PLA2G4C: variants seen among roughly 807,000 people sequenced by gnomAD.
The protein encoded by PLA2G4C is cytosolic phospholipase A2 gamma.
A neutral mutation model predicts 73.8 loss-of-function variants in PLA2G4C; 64 were observed. The ratio of observed to expected loss-of-function variants is 0.87; its 90% confidence interval spans 0.71 to 1.07. PLA2G4C has a LOEUF of 1.07. Among genes scored for constraint, PLA2G4C ranks in the 50% least tolerant of loss-of-function variants. The pLI, the probability that PLA2G4C is intolerant of heterozygous loss-of-function variation, is 0.00. For missense variants in PLA2G4C, 622 were observed against 665.4 expected (o/e 0.93, Z 0.72); for synonymous variants, 254 against 252.1 (o/e 1.01, Z -0.07).
chr19:48,048,358 ACTTCGGGCACTATC>A lies in PLA2G4C; in HGVS notation c.1597_1610del (p.Asp533LeufsTer23). ...TGAGGCTCATCTATGCCAAGCAGCAACTTCGGGCACTATCCTTCGGGTAGTAGAGCCTGGGGAGA... is the reference window on the plus strand; with the variant it reads ...TGAGGCTCATCTATGCCAAGCAGCAACTTCGGGTAGTAGAGCCTGGGGAGA... On this transcript the variant is annotated frameshift_variant, in exon 17 of 17. Transcript: ENST00000599921. LOFTEE classifies it high-confidence loss of function. The A allele has an allele frequency of 6.3e-7, 1 of 1,598,410 alleles. No individual in the cohort carries two copies. The highest frequency in any genetic ancestry group is 1.1e-5 in the South Asian group (1 of 88,154).
intron 7 of PLA2G4C, among the ~76,000 whole-genome samples, chr19:48,093,547 A>G (rs916633583): frequency 1.3e-5 from 2 of 152,242 alleles, no homozygotes; most frequent in South Asian, 4.1e-4. Context: ...TGGCTCTCCT[A>G]TCGCACTTGG....
rs59148675 is a variant in PLA2G4C at position 48,064,430 on chromosome 19, CA to C, written c.1103-2279del. On this transcript the variant is annotated intron_variant, in intron 13 of 16. Transcript: ENST00000599921. Reference sequence around the variant, plus strand: ...GGCAACAAAGAGCAAAACTCTGTCTCAAAAAAAAAAAAAACCAAAAACCATA... The same window carrying C: ...GGCAACAAAGAGCAAAACTCTGTCTCAAAAAAAAAAAAACCAAAAACCATA... 1.5e-3 allele frequency among the ~76,000 whole-genome samples: 205 copies of C among 141,172 alleles called. 2 individuals are homozygous for C. Among genetic ancestry groups the C allele is most frequent in the African/African-American group, 4.2e-3 (161 of 38,194 alleles). 92.6% of individuals were successfully genotyped at this position (141,172 alleles called of 152,430 possible).
At chr19:48,101,449 T>C (rs2031916772) in intron 4 of PLA2G4C, among the ~76,000 whole-genome samples, 1 of 151,930 alleles carries the variant, frequency 6.6e-6, no homozygotes, top group Non-Finnish European at 1.5e-5. Flanking sequence ...TAAAAATTTT[T>C]GATGTTCTTA....
rs554623412 is a variant in PLA2G4C at position 48,110,527 on chromosome 19, C to T, written c.-73G>A. ...GGGCGTGTGCGCATGCGCGGTGGAG[C>T]TTGTGCTCCGGAATCCGGTGCGGAG... On this transcript the variant is annotated 5_prime_UTR_variant, in exon 1 of 17. Coordinates refer to ENST00000599921, the MANE Select transcript of PLA2G4C (RefSeq NM_003706.3). The T allele has an allele frequency of 1.6e-4, 246 of 1,534,066 alleles. 1 individual carries two copies. Among genetic ancestry groups the T allele is most frequent in the Middle Eastern group, 5.1e-4 (3 of 5,844 alleles).
rs1359614697 is a variant in PLA2G4C at position 48,085,131 on chromosome 19, TA to T, written c.791-20del. 6.3e-7 allele frequency: 1 copy of T among 1,591,128 alleles called. No homozygotes were observed. Among genetic ancestry groups the T allele is most frequent in the South Asian group, 1.1e-5 (1 of 90,600 alleles). ...CATAAACCTGCCAAGAAAATAGCAATAAAATTCAAACATTCTCCATCACATG... is the reference window on the plus strand; with the variant it reads ...CATAAACCTGCCAAGAAAATAGCAATAAATTCAAACATTCTCCATCACATG... On this transcript the variant is annotated intron_variant, in intron 9 of 16. Transcript: ENST00000599921.
intron 9 of PLA2G4C, among the ~76,000 whole-genome samples, chr19:48,085,784 C>G (rs114981659): frequency 0.013 from 2,002 of 152,254 alleles, 44 homozygotes; most frequent in African/African-American, 0.045. Flanking sequence ...AGACTGTTTG[C>G]AGGACACACG....
rs760328801 is a variant in PLA2G4C, at chr19:48,074,867, G to A, written c.906C>T (p.Gly302=). 142 of 1,599,170 alleles carry A rather than the reference G, an allele frequency of 8.9e-5. No homozygotes were observed. The highest frequency in any genetic ancestry group is 1.1e-4 in the Non-Finnish European group (134 of 1,172,092). Residue 302 remains glycine (G), a synonymous_variant, in exon 12 of 17, where the codon GGC becomes GGT. Coordinates refer to ENST00000599921, the MANE Select transcript of PLA2G4C (RefSeq NM_003706.3). The part of the protein sequence containing the change: ...QGEHPPPEDE[G]GEPEHTWLTE... ...TCAGCCAGGTGTGTTCAGGCTCACC[G>A]CCTTCATCTACGTCAAGAAATCCAG...
rs111652479 is a variant in PLA2G4C at position 48,058,299 on chromosome 19, C to CA, written c.1258-3251dup. On this transcript the variant is annotated intron_variant, in intron 14 of 16. Transcript: ENST00000599921. Reference sequence around the variant, plus strand: ...GGGCAACAAGAGCGAAACTCCGTCTCAAAAAAAAAAAAAATTTGTGTGGAG... The same window carrying CA: ...GGGCAACAAGAGCGAAACTCCGTCTCAAAAAAAAAAAAAAATTTGTGTGGAG... Among the ~76,000 whole-genome samples the CA allele has an allele frequency of 9.5e-3, 1,311 of 138,330 alleles. 15 individuals carry two copies. Among genetic ancestry groups the CA allele is most frequent in the African/African-American group, 0.029 (1,113 of 37,908 alleles). 90.7% of individuals were successfully genotyped at this position (138,330 alleles called of 152,430 possible).
At chr19:48,059,010 C>T (rs140930024) in intron 14 of PLA2G4C, among the ~76,000 whole-genome samples, 4 of 152,128 alleles carry the variant, frequency 2.6e-5, no homozygotes, top group East Asian at 3.9e-4. Flanking sequence ...TGGTGGCTCA[C>T]GCCTGTAATC....
chr19:48,084,478 C>G (rs2030853996), intron 10 of PLA2G4C, among the ~76,000 whole-genome samples: 1 of 152,168 alleles, frequency 6.6e-6, no homozygotes, highest in Admixed American at 6.5e-5. Context: ...CTTGTCTGTT[C>G]CATGAGAGGA....
chr19:48,101,674 C>CTTTTTTTTTTT (rs71181648), intron 4 of PLA2G4C, among the ~76,000 whole-genome samples: 3 of 131,834 alleles, frequency 2.3e-5, no homozygotes, highest in Non-Finnish European at 4.8e-5. Flanking sequence ...CCTTTAATAT[C>CTTTTTTTTTTT]TTTTTTTTTT....
intron 2 of PLA2G4C, among the ~76,000 whole-genome samples, chr19:48,105,792 CTCCCTCCCTCCCTCCCTCCCCT>C (rs1479365677): frequency 5.4e-5 from 6 of 111,462 alleles, no homozygotes; most frequent in African/African-American, 1.1e-4. Flanking sequence ...ACATACCTCC[CTCCCTCCCTCCCTCCCTCCCCT>C]TCCCTCCCCT....
At position 48,077,511 on chromosome 19, in the gene PLA2G4C, C is replaced by T. The variant is rs190017377; in HGVS notation, c.898+260G>A. Among the ~76,000 whole-genome samples the T allele has an allele frequency of 1.6e-3, 248 of 152,160 alleles. 1 individual carries two copies. The highest frequency in any genetic ancestry group is 5.6e-3 in the African/African-American group (234 of 41,488). ...GTAGAATCAATATTGTGAAAATGAC[C>T]ATACTGCCAAAAGCAATCTACAAGT... On this transcript the variant is annotated intron_variant, in intron 11 of 16. Coordinates refer to ENST00000599921, the MANE Select transcript of PLA2G4C (RefSeq NM_003706.3).
chr19:48,061,638 G>A (rs1015205776), intron 14 of PLA2G4C: 2 of 222,460 alleles, frequency 9.0e-6, no homozygotes, highest in African/African-American at 4.7e-5. Flanking sequence ...TGAGCAGGAA[G>A]ACACGCGCTC....
intron 9 of PLA2G4C, 45 bp downstream of exon 9, chr19:48,088,641 G>A (rs11564555): frequency 0.032 from 46,685 of 1,439,490 alleles, 1,788 homozygotes; most frequent in Admixed American, 0.16. Flanking sequence ...GCAAGTGTGC[G>A]GTCCCCATTA....
chr19:48,095,714 T>G, intron 6 of PLA2G4C, 110 bp from the exon 7 acceptor site: 1 of 1,115,240 alleles, frequency 9.0e-7, no homozygotes, highest in Non-Finnish European at 1.3e-6. Flanking sequence ...GACAGGAGAA[T>G]GTTAGAGATG....
At chr19:48,055,073 G>A (rs1361089112) in intron 14 of PLA2G4C, 24 bp from the exon 15 acceptor site, 2 of 1,576,108 alleles carry the variant, frequency 1.3e-6, no homozygotes, top group African/African-American at 2.7e-5. Context: ...AATAAGAAAT[G>A]GTTGCAAGAC....
intron 4 of PLA2G4C, among the ~76,000 whole-genome samples, chr19:48,101,126 AT>A (rs544287174): frequency 0.39 from 28,570 of 72,664 alleles, 4,590 homozygotes; most frequent in Non-Finnish European, 0.47. Context: ...ATATATATAT[AT>A]TTTTTTTTTT....
At chr19:48,105,082 CAAAAA>C (rs3083068) in intron 3 of PLA2G4C, among the ~76,000 whole-genome samples, 14,560 of 87,174 alleles carry the variant, frequency 0.17, 537 homozygotes, top group African/African-American at 0.19. Flanking sequence ...GACGTTGTCT[CAAAAA>C]AAAAAAAAAA....
Sources: allele counts gnomAD v4.1 joint callset (sites outside exome capture counted in the v4.1 genomes callset), GRCh38; gene constraint gnomAD v4.1.1; transcripts MANE v1.5; gene names NCBI Gene and HGNC (gene_info 2026-07-23, HGNC 2026-07-21).